PDGFD: variants seen among roughly 807,000 people sequenced by gnomAD.
PDGFD encodes platelet derived growth factor D.
A neutral mutation model predicts 44.7 loss-of-function variants in PDGFD; 30 were observed. That is an observed-to-expected ratio of 0.67 (90% CI 0.50 to 0.91). The LOEUF (loss-of-function observed/expected upper bound fraction) is 0.91, where lower values mean the gene tolerates loss of function less well. PDGFD is among the 40% of genes least tolerant of loss of function. PDGFD has a pLI of 0.00. For synonymous variants in PDGFD, 173 were observed against 168.4 expected (o/e 1.03, Z -0.21); for missense variants, 445 against 457.8 (o/e 0.97, Z 0.25).
At chr11:104,107,100 A>G (rs1199334626) in intron 1 of PDGFD, among the ~76,000 whole-genome samples, 1 of 152,154 alleles carries the variant, frequency 6.6e-6, no homozygotes, top group Non-Finnish European at 1.5e-5. Flanking sequence ...TTCCATGATT[A>G]GAATATAAAA....
At chr11:103,961,126 T>A (rs552588557) in intron 3 of PDGFD, among the ~76,000 whole-genome samples, 1 of 152,330 alleles carries the variant, frequency 6.6e-6, no homozygotes, top group Non-Finnish European at 1.5e-5. Flanking sequence ...TCTAACTTTC[T>A]CATTGCTCTC....
At chr11:103,929,765 G>A (rs987044042) in intron 5 of PDGFD, among the ~76,000 whole-genome samples, 1 of 152,160 alleles carries the variant, frequency 6.6e-6, no homozygotes, top group African/African-American at 2.4e-5. Flanking sequence ...ACTTTCTGCA[G>A]GGGATATTGA....
chr11:104,030,125 C>T (rs916675396), intron 1 of PDGFD, among the ~76,000 whole-genome samples: 12 of 152,156 alleles, frequency 7.9e-5, no homozygotes. Flanking sequence ...AACATACATA[C>T]ATTTCGTGTT....
At chr11:103,961,438 C>T (rs1040326907) in intron 3 of PDGFD, among the ~76,000 whole-genome samples, 6 of 152,036 alleles carry the variant, frequency 3.9e-5, no homozygotes, top group African/African-American at 1.4e-4. Flanking sequence ...GAAGAAGTGG[C>T]CTTGGAATTG....
chr11:104,116,413 C>T (rs149938327), intron 1 of PDGFD, among the ~76,000 whole-genome samples: 20,957 of 151,870 alleles, frequency 0.14, 1,620 homozygotes, highest in East Asian at 0.29. Flanking sequence ...ACCAGTACCA[C>T]GCTGTTTTGG....
chr11:104,094,919 C>T (rs1292900640), intron 1 of PDGFD, among the ~76,000 whole-genome samples: 1 of 152,136 alleles, frequency 6.6e-6, no homozygotes, highest in East Asian at 1.9e-4. Context: ...CAAAACTTTG[C>T]ATGATGTGAC....
intron 1 of PDGFD, among the ~76,000 whole-genome samples, chr11:104,145,415 G>A (rs1394332144): frequency 6.6e-6 from 1 of 152,088 alleles, no homozygotes; most frequent in Non-Finnish European, 1.5e-5. Context: ...TTAATGTAGG[G>A]TTTTAGATTT....
chr11:104,155,368 T>C (rs562866739), intron 1 of PDGFD, among the ~76,000 whole-genome samples: 1 of 152,298 alleles, frequency 6.6e-6, no homozygotes, highest in South Asian at 2.1e-4. Flanking sequence ...GGAGACAGAT[T>C]GGAGCTATTT....
chr11:104,048,718 T>C (rs1445069043), intron 1 of PDGFD, among the ~76,000 whole-genome samples: 2 of 152,218 alleles, frequency 1.3e-5, no homozygotes, highest in Non-Finnish European at 2.9e-5. Context: ...ATTCGTGGTA[T>C]GCCATTCATT....
At chr11:104,151,373 A>G (rs1254029644) in intron 1 of PDGFD, among the ~76,000 whole-genome samples, 1 of 152,206 alleles carries the variant, frequency 6.6e-6, no homozygotes, top group East Asian at 1.9e-4. Flanking sequence ...AGTTATCTGA[A>G]TTATTTCAAC....
At chr11:103,995,215 G>A (rs546256735) in intron 3 of PDGFD, among the ~76,000 whole-genome samples, 5 of 152,112 alleles carry the variant, frequency 3.3e-5, no homozygotes, top group South Asian at 4.2e-4. Flanking sequence ...ATCTCTACCC[G>A]ACTTTAAGCT....
intron 1 of PDGFD, among the ~76,000 whole-genome samples, chr11:104,033,318 T>C (rs375299271): frequency 6.6e-6 from 1 of 152,146 alleles, no homozygotes; most frequent in East Asian, 1.9e-4. Context: ...GATGGGTGGC[T>C]GGACTATGGA....
At chr11:104,062,401 G>A (rs113871122) in intron 1 of PDGFD, among the ~76,000 whole-genome samples, 11 of 152,186 alleles carry the variant, frequency 7.2e-5, no homozygotes, top group South Asian at 2.1e-4. Context: ...CCTTGACTCC[G>A]TCTAATAAAA....
chr11:103,959,583 A>G lies in PDGFD; in HGVS notation c.511-11859T>C, dbSNP rs374652892. On this transcript the variant is annotated intron_variant, in intron 3 of 6. Transcript: ENST00000393158. ...GGCAGCTGGCACATTTTGGATCTCC[A>G]AAGCAGGCTTGCTATCTGGGCCCAT... Among the ~76,000 whole-genome samples, 39 of 152,324 alleles carry G rather than the reference A, an allele frequency of 2.6e-4. 1 individual carries two copies. The highest frequency in any genetic ancestry group is 3.4e-3 in the Middle Eastern group (1 of 294).
chr11:103,937,414 A>G (rs1858506797), intron 5 of PDGFD, among the ~76,000 whole-genome samples: 1 of 152,156 alleles, frequency 6.6e-6, no homozygotes, highest in Admixed American at 6.5e-5. Flanking sequence ...ATCTCCATAA[A>G]TCACCTCTCC....
chr11:103,925,741 T>A (rs1422431042), intron 6 of PDGFD, among the ~76,000 whole-genome samples: 1 of 130,232 alleles, frequency 7.7e-6, no homozygotes, highest in Non-Finnish European at 1.6e-5. Flanking sequence ...ATATATGTAA[T>A]TTTTTTTTTG....
intron 6 of PDGFD, among the ~76,000 whole-genome samples, chr11:103,912,663 C>T (rs1858048274): frequency 6.6e-6 from 1 of 152,052 alleles, no homozygotes; most frequent in African/African-American, 2.4e-5. Context: ...CTAAATTCCC[C>T]AATTAAAAGA....
In PDGFD at chr11:103,996,260, A is replaced by G; in HGVS notation, c.330-15T>C. Reference sequence around the variant, plus strand: ...CAAAATCATACCTAGAATCAATTGGACATAATGAACAAGTTTTGATTAAAG... The same window carrying G: ...CAAAATCATACCTAGAATCAATTGGGCATAATGAACAAGTTTTGATTAAAG... On this transcript the variant is annotated splice_polypyrimidine_tract_variant and intron_variant, in intron 2 of 6. Coordinates refer to ENST00000393158, the MANE Select transcript of PDGFD (RefSeq NM_025208.5). 1.9e-6 allele frequency: 3 copies of G among 1,585,928 alleles called. No individual in the cohort carries two copies. The highest frequency in any genetic ancestry group is 2.6e-6 in the Non-Finnish European group (3 of 1,164,234).
At chr11:103,933,191 G>C (rs1298376578) in intron 5 of PDGFD, among the ~76,000 whole-genome samples, 1 of 152,118 alleles carries the variant, frequency 6.6e-6, no homozygotes, top group African/African-American at 2.4e-5. Context: ...TTTGGGGTGG[G>C]GTGGGAGGTG....
Sources: gnomAD v4.1 joint callset for allele counts (sites outside exome capture counted in the v4.1 genomes callset) on GRCh38, gnomAD v4.1.1 for gene constraint, MANE v1.5 for transcripts, NCBI Gene and HGNC (gene_info 2026-07-23, HGNC 2026-07-21) for gene names.